CSGALNACT1: variants seen among roughly 807,000 people sequenced by gnomAD.
CSGALNACT1 encodes beta4GalNAcT-1.
CSGALNACT1 carries 52 observed loss-of-function variants against 51.0 expected under a neutral mutation model. The ratio of observed to expected loss-of-function variants is 1.02; its 90% CI spans 0.82 to 1.29. The LOEUF (loss-of-function observed/expected upper bound fraction) is 1.29, where lower values mean the gene tolerates loss of function less well. Among genes scored for constraint, CSGALNACT1 ranks in the 50% most tolerant of loss-of-function variants. CSGALNACT1 has a pLI of 0.00. For synonymous variants in CSGALNACT1, 341 were observed against 254.4 expected (o/e 1.34, Z -3.24); for missense variants, 935 against 679.2 (o/e 1.38, Z -4.19).
intron 4 of CSGALNACT1, among the ~76,000 whole-genome samples, chr8:19,503,724 C>T (rs2076814144): frequency 6.6e-6 from 1 of 151,632 alleles, no homozygotes; most frequent in Admixed American, 6.6e-5. Flanking sequence ...TTACCATGTG[C>T]TTATACAGGT....
chr8:19,625,716 G>A (rs115148533), intron 1 of CSGALNACT1, among the ~76,000 whole-genome samples: 7 of 152,130 alleles, frequency 4.6e-5, no homozygotes, highest in Non-Finnish European at 7.4e-5. Flanking sequence ...GAAAATGTAC[G>A]AAAAAGAAGT....
At chr8:19,638,671 G>C (rs1318322526) in intron 1 of CSGALNACT1, among the ~76,000 whole-genome samples, 2 of 152,094 alleles carry the variant, frequency 1.3e-5, no homozygotes, top group Admixed American at 1.3e-4. Context: ...TTTGAAAGAA[G>C]TGATCATATA....
chr8:19,422,350 G>A (rs1312085234), intron 6 of CSGALNACT1, among the ~76,000 whole-genome samples: 2 of 151,998 alleles, frequency 1.3e-5, no homozygotes, highest in Non-Finnish European at 2.9e-5. Context: ...ATGCTACCAT[G>A]CCCAGCTAAT....
At chr8:19,459,252 G>A (rs753849221) in intron 4 of CSGALNACT1, among the ~76,000 whole-genome samples, 1 of 151,830 alleles carries the variant, frequency 6.6e-6, no homozygotes, top group East Asian at 1.9e-4. Flanking sequence ...GCGTCATGTT[G>A]TGCGCCTGTA....
intron 1 of CSGALNACT1, among the ~76,000 whole-genome samples, chr8:19,632,871 T>TA (rs2055478670): frequency 1.3e-5 from 2 of 151,820 alleles, no homozygotes; most frequent in African/African-American, 4.8e-5. Flanking sequence ...CCTCCTGCCT[T>TA]AGCCTCTCAA....
At chr8:19,653,805 A>AG (rs2058035651) in intron 1 of CSGALNACT1, among the ~76,000 whole-genome samples, 1 of 151,776 alleles carries the variant, frequency 6.6e-6, no homozygotes, top group South Asian at 2.1e-4. Flanking sequence ...CTTAAAAAAA[A>AG]AAAAAATCTT....
chr8:19,709,914 T>A (rs779240640), intron 1 of CSGALNACT1, among the ~76,000 whole-genome samples: 4 of 152,102 alleles, frequency 2.6e-5, no homozygotes, highest in Non-Finnish European at 5.9e-5. Flanking sequence ...TACAGAACAT[T>A]TGCTCCAGTC....
intron 1 of CSGALNACT1, among the ~76,000 whole-genome samples, chr8:19,747,411 G>C (rs2064746761): frequency 6.6e-6 from 1 of 152,156 alleles, no homozygotes; most frequent in Non-Finnish European, 1.5e-5. Flanking sequence ...CTCATTCTTG[G>C]AAGAATGCAA....
At chr8:19,660,992 A>G (rs994076707) in intron 1 of CSGALNACT1, among the ~76,000 whole-genome samples, 2 of 152,048 alleles carry the variant, frequency 1.3e-5, no homozygotes, top group Non-Finnish European at 2.9e-5. Flanking sequence ...AGCTCATTGC[A>G]ACCTCTGCCT....
chr8:19,707,545 C>T (rs1331021259), intron 1 of CSGALNACT1, among the ~76,000 whole-genome samples: 2 of 152,164 alleles, frequency 1.3e-5, no homozygotes, highest in Non-Finnish European at 2.9e-5. Context: ...AAAGAAGTCA[C>T]TATTAATAAC....
At chr8:19,477,988 C>A (rs1300733578) in intron 4 of CSGALNACT1, among the ~76,000 whole-genome samples, 1 of 152,052 alleles carries the variant, frequency 6.6e-6, no homozygotes, top group Non-Finnish European at 1.5e-5. Context: ...TCCAGGGACC[C>A]CACCTCCTGA....
chr8:19,650,890 T>A (rs2057745172), intron 1 of CSGALNACT1, among the ~76,000 whole-genome samples: 1 of 151,862 alleles, frequency 6.6e-6, no homozygotes, highest in South Asian at 2.1e-4. Context: ...GAGTCACGAG[T>A]TGCTCCCGTG....
chr8:19,445,940 C>T (rs934683192), intron 5 of CSGALNACT1, among the ~76,000 whole-genome samples: 6 of 152,038 alleles, frequency 3.9e-5, no homozygotes, highest in African/African-American at 1.4e-4. Context: ...TTTGAGAGGC[C>T]GAGGCAGGAG....
At chr8:19,494,319 A>G (rs893880952) in intron 4 of CSGALNACT1, among the ~76,000 whole-genome samples, 4 of 151,996 alleles carry the variant, frequency 2.6e-5, no homozygotes, top group Admixed American at 1.3e-4. Flanking sequence ...ACACACACAC[A>G]TCTTTGGCCT....
At chr8:19,483,832 C>T (rs2153933094) in intron 4 of CSGALNACT1, among the ~76,000 whole-genome samples, 1 of 152,314 alleles carries the variant, frequency 6.6e-6, no homozygotes, top group South Asian at 2.1e-4. Flanking sequence ...TATGTAGCAA[C>T]AGCCTTTCTT....
chr8:19,534,699 A>G (rs2083416828), intron 3 of CSGALNACT1, among the ~76,000 whole-genome samples: 1 of 152,196 alleles, frequency 6.6e-6, no homozygotes, highest in South Asian at 2.1e-4. Flanking sequence ...GAAAGCCCCA[A>G]GTGACCTAAA....
At chr8:19,749,582 A>G (rs769280219) in intron 1 of CSGALNACT1, among the ~76,000 whole-genome samples, 79 of 152,178 alleles carry the variant, frequency 5.2e-4, no homozygotes, top group Non-Finnish European at 8.8e-5. Context: ...GCGGCTCAGT[A>G]TCATAAAACC....
intron 1 of CSGALNACT1, among the ~76,000 whole-genome samples, chr8:19,643,228 A>G (rs1445845111): frequency 1.3e-5 from 2 of 152,232 alleles, no homozygotes; most frequent in African/African-American, 2.4e-5. Flanking sequence ...TAAAAAGTCA[A>G]TAATAACCAA....
chr8:19,466,502 A>T (rs1234917384), intron 4 of CSGALNACT1, among the ~76,000 whole-genome samples: 1 of 152,226 alleles, frequency 6.6e-6, no homozygotes, highest in Non-Finnish European at 1.5e-5. Context: ...TTACTCTAAA[A>T]TAGTATTTTT....
Sources: allele counts gnomAD v4.1 joint callset (sites outside exome capture counted in the v4.1 genomes callset), GRCh38; gene constraint gnomAD v4.1.1; transcripts MANE v1.5; gene names NCBI Gene and HGNC (gene_info 2026-07-23, HGNC 2026-07-21).